Variants in PHF20 observed in about 807,000 individuals in gnomAD.
The protein encoded by PHF20 is glioma-expressed antigen 2.
A neutral mutation model predicts 113.5 loss-of-function variants in PHF20; 23 were observed. The ratio of observed to expected loss-of-function variants is 0.20; its 90% CI spans 0.15 to 0.29. The LOEUF is 0.29. Among genes scored for constraint, PHF20 ranks in the 10% least tolerant of loss-of-function variants. PHF20 has a pLI of 1.00. For missense variants in PHF20, 943 were observed against 1,219.6 expected (o/e 0.77, Z 3.38); for synonymous variants, 434 against 457.3 (o/e 0.95, Z 0.65).
chr20:35,947,355 ATGGAGGCTGAAATGGCCC>A lies in PHF20; in HGVS notation c.2897-128_2897-111del. 9.5e-6 allele frequency: 8 copies of A among 841,192 alleles called. 1 individual carries two copies. Among genetic ancestry groups the A allele is most frequent in the South Asian group, 8.9e-5 (4 of 44,970 alleles). The allele number at this position is 841,192 out of a possible 1,614,324, so 52.1% of individuals were successfully genotyped here. ...GAAATGGCCCTTCCTCCCTTGCCCC[ATGGAGGCTGAAATGGCCC>A]TTCCTCCCTTGCCCCATGTCTGATG... On this transcript the variant is annotated intron_variant, in intron 17 of 17. Transcript: ENST00000374012.
chr20:35,923,195 C>A (rs2055553023), intron 13 of PHF20, among the ~76,000 whole-genome samples: 1 of 152,066 alleles, frequency 6.6e-6, no homozygotes, highest in Admixed American at 6.6e-5. Flanking sequence ...ACAAGTCAAG[C>A]TGGCATTGGC....
intron 1 of PHF20, among the ~76,000 whole-genome samples, chr20:35,793,486 G>A (rs1040462926): frequency 6.6e-6 from 1 of 150,910 alleles, no homozygotes; most frequent in Non-Finnish European, 1.5e-5. Flanking sequence ...TTTTAGTAGA[G>A]ACGGGGTTTC....
At chr20:35,823,162 T>C (rs2042200266) in intron 2 of PHF20, among the ~76,000 whole-genome samples, 1 of 152,080 alleles carries the variant, frequency 6.6e-6, no homozygotes, top group Non-Finnish European at 1.5e-5. Context: ...AAAAGTACAA[T>C]ATTCATAAAA....
At chr20:35,917,939 C>G (rs545616956) in intron 13 of PHF20, among the ~76,000 whole-genome samples, 15 of 152,200 alleles carry the variant, frequency 9.9e-5, no homozygotes, top group African/African-American at 3.4e-4. Context: ...AAGGGCCTTG[C>G]CTGTGGTCAC....
intron 1 of PHF20, among the ~76,000 whole-genome samples, chr20:35,781,220 T>C (rs1237606680): frequency 1.3e-5 from 2 of 151,812 alleles, no homozygotes; most frequent in Non-Finnish European, 2.9e-5. Context: ...CTTGGCTCAC[T>C]GCAACCTCCT....
intron 15 of PHF20, among the ~76,000 whole-genome samples, chr20:35,936,966 AG>A (rs1342797430): frequency 6.6e-6 from 1 of 152,206 alleles, no homozygotes; most frequent in Non-Finnish European, 1.5e-5. Context: ...CATGAGCCCA[AG>A]GTGGTCAGGC....
At chr20:35,783,980 C>T (rs1321267249) in intron 1 of PHF20, among the ~76,000 whole-genome samples, 1 of 151,728 alleles carries the variant, frequency 6.6e-6, no homozygotes, top group African/African-American at 2.4e-5. Context: ...AGTGAAACTC[C>T]GTCTTAAAAC....
chr20:35,845,308 G>T (rs1308165612), intron 3 of PHF20: 1 of 171,218 alleles, frequency 5.8e-6, no homozygotes, highest in African/African-American at 2.4e-5. Flanking sequence ...CAATGTGCAG[G>T]TTTGTTACAT....
chr20:35,848,818 T>C (rs2042667942), intron 4 of PHF20, among the ~76,000 whole-genome samples: 1 of 150,956 alleles, frequency 6.6e-6, no homozygotes, highest in South Asian at 2.1e-4. Flanking sequence ...GATAGTGTCA[T>C]TGTACTCCAG....
intron 1 of PHF20, among the ~76,000 whole-genome samples, chr20:35,796,855 A>G (rs1027776065): frequency 2.0e-5 from 3 of 152,204 alleles, no homozygotes; most frequent in Non-Finnish European, 2.9e-5. Context: ...GAAATTGGCT[A>G]GCACCTCTGC....
rs1568641913 is a variant in PHF20, at chr20:35,844,416, G to GTT, written c.255+1672_255+1673insTT. ...CGCGCCCAGCCGGTTTTTTTTTTTTGGTTTTTTTTTTTTTTGATAATGTTG... is the reference window on the plus strand; with the variant it reads ...CGCGCCCAGCCGGTTTTTTTTTTTTGTTGTTTTTTTTTTTTTTGATAATGTTG... On this transcript the variant is annotated intron_variant, in intron 3 of 17. Transcript: ENST00000374012. 1.1e-4 allele frequency among the ~76,000 whole-genome samples: 8 copies of GTT among 73,800 alleles called. 1 individual carries two copies. The highest frequency in any genetic ancestry group is 3.8e-4 in the East Asian group (1 of 2,620). The allele number at this position is 73,800 out of a possible 152,430, so 48.4% of individuals were successfully genotyped here.
intron 4 of PHF20, among the ~76,000 whole-genome samples, chr20:35,857,562 CTTTTTTTTTTT>C (rs56655276): frequency 1.4e-4 from 14 of 99,678 alleles, no homozygotes; most frequent in South Asian, 8.3e-4. Context: ...AATGATGTTC[CTTTTTTTTTTT>C]TTTTTTTTTT....
chr20:35,860,075 C>T (rs1347535866), intron 5 of PHF20, among the ~76,000 whole-genome samples: 1 of 151,928 alleles, frequency 6.6e-6, no homozygotes, highest in East Asian at 1.9e-4. Flanking sequence ...TGTGCCACTA[C>T]GCCTGGCTAA....
At chr20:35,856,385 G>T (rs1347301128) in intron 4 of PHF20, 1 of 152,230 alleles carries the variant, frequency 6.6e-6, no homozygotes, top group South Asian at 2.1e-4. Flanking sequence ...TGTTAAAAAT[G>T]CACATTCCTG....
At chr20:35,841,408 A>G (rs879610161) in intron 2 of PHF20, among the ~76,000 whole-genome samples, 8 of 152,128 alleles carry the variant, frequency 5.3e-5, no homozygotes, top group Admixed American at 1.3e-4. Context: ...GTTCTGAATC[A>G]TATAACTGTA....
intron 9 of PHF20, among the ~76,000 whole-genome samples, chr20:35,882,599 T>A (rs1345347721): frequency 6.6e-6 from 1 of 152,236 alleles, no homozygotes; most frequent in Non-Finnish European, 1.5e-5. Context: ...GGCTAATTTT[T>A]AAATTTTTTG....
chr20:35,941,758 A>G (rs1182086583), intron 17 of PHF20, among the ~76,000 whole-genome samples: 1 of 152,340 alleles, frequency 6.6e-6, no homozygotes, highest in South Asian at 2.1e-4. Flanking sequence ...GGAATATAAA[A>G]CATACATGAA....
rs2056110893 is a variant in PHF20, at chr20:35,947,646, C to A, written c.*19C>A. ...AACATGAAACTGGGCACCCAAAACT[C>A]ATGGGGGCACAATCCTGGGGCACCT... On this transcript the variant is annotated 3_prime_UTR_variant, in exon 18 of 18. Coordinates refer to ENST00000374012, the MANE Select transcript of PHF20 (RefSeq NM_016436.5). 1 of 1,609,582 alleles carries A rather than the reference C, an allele frequency of 6.2e-7. No homozygotes were observed. The highest frequency in any genetic ancestry group is 1.1e-5 in the South Asian group (1 of 90,934).
rs1257769832 is a variant in PHF20 at position 35,871,747 on chromosome 20, C to G, written c.1200C>G (p.Asn400Lys). The change falls in exon 9 of 18, where the codon AAC (asparagine) becomes AAG (lysine). Residue 400 changes from asparagine (N) to lysine (K), a missense_variant. Physicochemically the swap from Asn to Lys is moderately conservative, Grantham distance 94 (BLOSUM62 0). Transcript: ENST00000374012. ...CCGGGGCTGCAGGCTTGGAGTTGAA[C>G]TGCCCATCAATGGGAGAAAACACGA... is the stretch of plus-strand genomic sequence containing the variant. The part of the protein sequence containing the change: ...DGSGAAGLEL[N>K]CPSMGENTMK... 1 of 1,613,944 alleles carries G rather than the reference C, an allele frequency of 6.2e-7. No homozygotes were observed. The highest frequency in any genetic ancestry group is 1.7e-5 in the Admixed American group (1 of 60,010).
Sources: allele counts gnomAD v4.1 joint callset (sites outside exome capture counted in the v4.1 genomes callset), GRCh38; gene constraint gnomAD v4.1.1; transcripts MANE v1.5; gene names NCBI Gene and HGNC (gene_info 2026-07-23, HGNC 2026-07-21).